Variants in RBM33 observed in about 807,000 individuals in gnomAD.
The protein encoded by RBM33 is RNA-binding protein 33.
In RBM33, 28 loss-of-function variants were observed where a neutral mutation model predicts 132.6. The observed-to-expected ratio is 0.21, with a 90% confidence interval of 0.16 to 0.29. The LOEUF (loss-of-function observed/expected upper bound fraction) is 0.29, where lower values mean the gene tolerates loss of function less well. RBM33 is among the 10% of genes least tolerant of loss of function. RBM33 has a pLI of 1.00. For synonymous variants in RBM33, 634 were observed against 593.0 expected, an observed-to-expected ratio of 1.07 and a Z score of -1.01; for missense variants, 1,291 against 1,518.5, an observed-to-expected ratio of 0.85 and a Z score of 2.49.
At chr7:155,729,977 C>T (rs1325814577) in intron 9 of RBM33, among the ~76,000 whole-genome samples, 2 of 152,184 alleles carry the variant, frequency 1.3e-5, no homozygotes, top group Non-Finnish European at 2.9e-5. Context: ...GCACCTCTCC[C>T]TGTGCTTTGT....
intron 5 of RBM33, among the ~76,000 whole-genome samples, chr7:155,691,074 G>A (rs1438314329): frequency 6.6e-6 from 1 of 152,120 alleles, no homozygotes; most frequent in Non-Finnish European, 1.5e-5. Flanking sequence ...TTCCAACTTG[G>A]TTCCATTCTC....
intron 1 of RBM33, among the ~76,000 whole-genome samples, chr7:155,658,220 T>A (rs902662868): frequency 3.9e-5 from 6 of 152,180 alleles, no homozygotes; most frequent in Non-Finnish European, 8.8e-5. Context: ...TCCTTCTTTT[T>A]GAAACAATTT....
In RBM33 at chr7:155,644,802, C is replaced by G; in HGVS notation, c.-75C>G. On this transcript the variant is annotated 5_prime_UTR_variant, in exon 1 of 18. Transcript: ENST00000401878. ...CTTCTCTGTCCTCCGTCACCCGTAC[C>G]CGGGCCCGGACCAGGCACGTCGGCC... The G allele has an allele frequency of 7.9e-7, 1 of 1,273,252 alleles. No individual in the cohort carries two copies. The highest frequency in any genetic ancestry group is 3.1e-5 in the East Asian group (1 of 32,442). 78.9% of individuals were successfully genotyped at this position (1,273,252 alleles called of 1,614,324 possible). A position where few individuals can be genotyped will look rare whatever the true frequency, so the allele number is the denominator to read the frequency against.
chr7:155,734,277 G>T (rs897916143), intron 9 of RBM33, among the ~76,000 whole-genome samples: 4 of 152,200 alleles, frequency 2.6e-5, no homozygotes, highest in Non-Finnish European at 4.4e-5. Flanking sequence ...ATTGCTGGGA[G>T]AGTGTTAGAA....
chr7:155,761,848 C>T lies in RBM33; in HGVS notation c.2980-1964C>T, dbSNP rs185486823. ...TCCTTTTTTGAGGACGGGGGACTAG[C>T]TTCTTGAGGTAGAAACTCAAATGAC... is the stretch of plus-strand genomic sequence containing the variant. On this transcript the variant is annotated intron_variant, in intron 14 of 17. Transcript: ENST00000401878. Among the ~76,000 whole-genome samples the T allele has an allele frequency of 3.9e-3, 599 of 152,230 alleles. 5 individuals carry two copies. The highest frequency in any genetic ancestry group is 0.014 in the African/African-American group (587 of 41,532).
intron 9 of RBM33, among the ~76,000 whole-genome samples, chr7:155,725,337 T>TA (rs1381663316): frequency 1.3e-5 from 2 of 151,776 alleles, no homozygotes; most frequent in Admixed American, 1.3e-4. Context: ...GGAGCAAAAG[T>TA]AAAAAATTAT....
At chr7:155,738,537 A>G (rs1260277870) in intron 11 of RBM33, 134 bp downstream of exon 11, 2 of 898,608 alleles carry the variant, frequency 2.2e-6, no homozygotes, top group Admixed American at 3.1e-5. Flanking sequence ...TCTCAAATGT[A>G]CTGTTTGTTA....
chr7:155,756,119 C>T (rs1191196423), intron 14 of RBM33, among the ~76,000 whole-genome samples: 1 of 152,160 alleles, frequency 6.6e-6, no homozygotes, highest in Non-Finnish European at 1.5e-5. Context: ...TCAAAGCAAA[C>T]ATACTTTTTA....
intron 9 of RBM33, among the ~76,000 whole-genome samples, chr7:155,732,679 G>A (rs1403578171): frequency 6.6e-6 from 1 of 152,174 alleles, no homozygotes; most frequent in Non-Finnish European, 1.5e-5. Flanking sequence ...TCCATTACTC[G>A]TGGTAGAAAG....
intron 14 of RBM33, among the ~76,000 whole-genome samples, chr7:155,754,118 A>G (rs565170019): frequency 6.6e-6 from 1 of 152,348 alleles, no homozygotes; most frequent in East Asian, 1.9e-4. Flanking sequence ...TAGAGGACAT[A>G]AATCATTTTG....
chr7:155,719,309 T>G (rs1437914493), intron 9 of RBM33, among the ~76,000 whole-genome samples: 1 of 152,210 alleles, frequency 6.6e-6, no homozygotes, highest in Non-Finnish European at 1.5e-5. Context: ...AATGGCTTAT[T>G]TAACTGTTTA....
chr7:155,731,416 C>T (rs1800954039), intron 9 of RBM33, among the ~76,000 whole-genome samples: 1 of 152,196 alleles, frequency 6.6e-6, no homozygotes, highest in Non-Finnish European at 1.5e-5. Flanking sequence ...AATAGCTAAT[C>T]ATACAATAAA....
intron 14 of RBM33, among the ~76,000 whole-genome samples, chr7:155,759,934 C>T (rs1801980701): frequency 6.6e-6 from 1 of 152,216 alleles, no homozygotes; most frequent in African/African-American, 2.4e-5. Flanking sequence ...ACTGTCGCCT[C>T]TCTTTCTGCC....
chr7:155,706,063 G>T (rs527785969), intron 6 of RBM33, among the ~76,000 whole-genome samples: 3 of 152,188 alleles, frequency 2.0e-5, no homozygotes, highest in Non-Finnish European at 4.4e-5. Flanking sequence ...TTTTAAGTGA[G>T]AATGATCGGG....
At chr7:155,739,642 G>C in intron 11 of RBM33, 73 bp from the exon 12 acceptor site, 1 of 1,437,000 alleles carries the variant, frequency 7.0e-7, no homozygotes, top group Non-Finnish European at 9.2e-7. Flanking sequence ...AGGTTTTTTA[G>C]GAAATGATTG....
At chr7:155,702,549 G>A (rs1799996579) in intron 6 of RBM33, among the ~76,000 whole-genome samples, 1 of 152,190 alleles carries the variant, frequency 6.6e-6, no homozygotes, top group African/African-American at 2.4e-5. Flanking sequence ...AAAACAGAAG[G>A]ATGAAAATAA....
At chr7:155,754,281 T>C (rs1473993683) in intron 14 of RBM33, among the ~76,000 whole-genome samples, 2 of 152,208 alleles carry the variant, frequency 1.3e-5, no homozygotes, top group Non-Finnish European at 2.9e-5. Flanking sequence ...GGGAATCTGC[T>C]TTCTTCAATG....
intron 8 of RBM33, among the ~76,000 whole-genome samples, chr7:155,716,238 G>T (rs984606039): frequency 3.3e-5 from 5 of 151,834 alleles, no homozygotes; most frequent in African/African-American, 1.2e-4. Flanking sequence ...GGTGGGCCAG[G>T]TGTCTGCACT....
chr7:155,684,872 C>T (rs769966654), intron 5 of RBM33: 12 of 1,501,738 alleles, frequency 8.0e-6, no homozygotes, highest in South Asian at 5.1e-5. Context: ...ACGAAAAGTA[C>T]GTAAAAAAAC....
Sources: gnomAD v4.1 joint callset for allele counts (sites outside exome capture counted in the v4.1 genomes callset) on GRCh38, gnomAD v4.1.1 for gene constraint, MANE v1.5 for transcripts, NCBI Gene and HGNC (gene_info 2026-07-23, HGNC 2026-07-21) for gene names.